TIAM2: variants seen among roughly 807,000 people sequenced by gnomAD.
TIAM2 encodes the protein TIAM Rac1 associated GEF 2, also known as rho guanine nucleotide exchange factor TIAM2.
A neutral mutation model predicts 152.9 loss-of-function variants in TIAM2; 80 were observed. The ratio of observed to expected loss-of-function variants is 0.52; its 90% CI spans 0.44 to 0.63. The LOEUF (loss-of-function observed/expected upper bound fraction) is 0.63. TIAM2 is among the 30% of genes least tolerant of loss of function. The probability of loss-of-function intolerance (pLI) is 0.00; values close to 1 mark genes in which losing one functional copy is unlikely to be tolerated. For synonymous variants in TIAM2, 804 were observed against 838.0 expected (o/e 0.96, Z 0.70); for missense variants, 1,965 against 2,120.1 (o/e 0.93, Z 1.44).
At chr6:155,045,084 A>AC (rs1777141663) in intron 1 of TIAM2, among the ~76,000 whole-genome samples, 1 of 128,396 alleles carries the variant, frequency 7.8e-6, no homozygotes, top group Admixed American at 9.1e-5. Context: ...AGAGTCTAGC[A>AC]CTGTTGCCTG....
intron 1 of TIAM2, among the ~76,000 whole-genome samples, chr6:155,076,841 G>T (rs1029805074): frequency 6.6e-6 from 1 of 152,112 alleles, no homozygotes; most frequent in African/African-American, 2.4e-5. Flanking sequence ...GATTACATGC[G>T]TGTACCGCCA....
intron 14 of TIAM2, among the ~76,000 whole-genome samples, chr6:155,188,375 C>T (rs537172653): frequency 4.9e-4 from 74 of 152,194 alleles, no homozygotes; most frequent in Non-Finnish European, 8.7e-4. Context: ...TATGGAGAAT[C>T]GTTGAGGGTT....
At chr6:155,134,195 A>T (rs998069015) in intron 4 of TIAM2, among the ~76,000 whole-genome samples, 2 of 152,052 alleles carry the variant, frequency 1.3e-5, no homozygotes, top group Non-Finnish European at 2.9e-5. Context: ...CCTTAGTTTC[A>T]TCCGCATAAC....
In TIAM2 at chr6:155,130,295, C is replaced by T. The variant is rs766033916; in HGVS notation, c.1072C>T (p.Leu358Phe). 5.0e-6 allele frequency: 8 copies of T among 1,614,180 alleles called. No homozygotes were observed. The South Asian group carries it at 6.6e-5, about 13-fold the overall frequency. The change falls in exon 4 of 27, where the codon CTC becomes TTC. Residue 358 changes from leucine (L) to phenylalanine (F), a missense_variant. Transcript: ENST00000682666. ...CCCCATCCAGTACAGTTCCTTCACT[C>T]TCCCCTGTCGGAAGCCCAAAGCCTT... ...GDPIQYSSFT[L>F]PCRKPKAFVE...
intron 23 of TIAM2, among the ~76,000 whole-genome samples, chr6:155,252,721 G>A (rs1466498143): frequency 1.3e-5 from 2 of 152,196 alleles, no homozygotes; most frequent in Non-Finnish European, 2.9e-5. Flanking sequence ...TTCTTGCTTT[G>A]AGACCTGTAA....
intron 20 of TIAM2, among the ~76,000 whole-genome samples, chr6:155,248,669 A>G (rs966018821): frequency 6.6e-6 from 1 of 152,212 alleles, no homozygotes; most frequent in Non-Finnish European, 1.5e-5. Context: ...TATGCTTTCA[A>G]GTCGCTACTG....
At chr6:155,028,334 A>ATGTACTGTGTTAC (rs1776675555) in intron 1 of TIAM2, among the ~76,000 whole-genome samples, 2 of 69,476 alleles carry the variant, frequency 2.9e-5, no homozygotes, top group African/African-American at 1.4e-4. Flanking sequence ...TACTACATAT[A>ATGTACTGTGTTAC]ATATATACTG....
At chr6:155,103,723 CAAAAAAAAAA>C (rs759945340) in intron 2 of TIAM2, among the ~76,000 whole-genome samples, 76 of 59,854 alleles carry the variant, frequency 1.3e-3, no homozygotes, top group South Asian at 4.1e-3. Context: ...GACTCTGTCT[CAAAAAAAAAA>C]AAAAAAAAAA....
intron 7 of TIAM2, among the ~76,000 whole-genome samples, chr6:155,155,511 G>T (rs765996565): frequency 6.6e-6 from 1 of 152,166 alleles, no homozygotes; most frequent in Non-Finnish European, 1.5e-5. Context: ...GTCTTTCTCT[G>T]TCGCCCAGGC....
intron 5 of TIAM2, among the ~76,000 whole-genome samples, chr6:155,139,680 C>T (rs1331101601): frequency 6.6e-6 from 1 of 152,176 alleles, no homozygotes; most frequent in Non-Finnish European, 1.5e-5. Context: ...TGGCTCACAC[C>T]TGTAATCCCA....
chr6:155,029,082 T>A (rs1314168385), intron 1 of TIAM2, among the ~76,000 whole-genome samples: 1 of 122,972 alleles, frequency 8.1e-6, no homozygotes, highest in African/African-American at 3.0e-5. Context: ...TATATACTGT[T>A]ATATATACAC....
At chr6:155,047,352 A>G (rs888885683) in intron 1 of TIAM2, among the ~76,000 whole-genome samples, 4 of 151,808 alleles carry the variant, frequency 2.6e-5, no homozygotes, top group Admixed American at 2.6e-4. Flanking sequence ...GCTAATTTTT[A>G]TATTTTTAGT....
At chr6:155,172,509 A>G (rs1197490439) in intron 9 of TIAM2, among the ~76,000 whole-genome samples, 1 of 151,554 alleles carries the variant, frequency 6.6e-6, no homozygotes. Flanking sequence ...GTGAAGGAAC[A>G]GAAGTGCAGA....
At chr6:155,247,912 T>C in intron 19 of TIAM2, 88 bp from the exon 20 acceptor site, 2 of 1,456,694 alleles carry the variant, frequency 1.4e-6, no homozygotes, top group Non-Finnish European at 9.3e-7. Flanking sequence ...ACTATAGAAA[T>C]AGATGATCTA....
At chr6:155,170,705 G>T (rs1018914444) in intron 9 of TIAM2, among the ~76,000 whole-genome samples, 4 of 152,230 alleles carry the variant, frequency 2.6e-5, no homozygotes, top group Admixed American at 2.0e-4. Flanking sequence ...CTTACAGTGA[G>T]AATTTAAGCT....
At chr6:155,191,811 A>AC (rs200966443) in intron 14 of TIAM2, among the ~76,000 whole-genome samples, 3 of 51,312 alleles carry the variant, frequency 5.8e-5, no homozygotes, top group African/African-American at 2.6e-4. Context: ...AACAACAACA[A>AC]AAAAAAAAAA....
chr6:155,119,481 A>G (rs1385470266), intron 2 of TIAM2, among the ~76,000 whole-genome samples: 1 of 151,856 alleles, frequency 6.6e-6, no homozygotes, highest in Non-Finnish European at 1.5e-5. Context: ...CTGGGATTAC[A>G]GGCATGAGCC....
intron 23 of TIAM2, 104 bp from the exon 24 acceptor site, chr6:155,252,844 G>C: frequency 9.6e-7 from 1 of 1,041,986 alleles, no homozygotes; most frequent in Non-Finnish European, 1.4e-6. Flanking sequence ...TGGCTGCTCG[G>C]AGACTCGCCC....
intron 10 of TIAM2, 150 bp from the exon 11 acceptor site, chr6:155,178,889 T>G: frequency 1.5e-6 from 1 of 659,696 alleles, no homozygotes; most frequent in South Asian, 2.0e-5. Flanking sequence ...TACAAGTATT[T>G]AAATTCGAGC....
Sources: gnomAD v4.1 joint callset for allele counts (sites outside exome capture counted in the v4.1 genomes callset) on GRCh38, gnomAD v4.1.1 for gene constraint, MANE v1.5 for transcripts, NCBI Gene and HGNC (gene_info 2026-07-23, HGNC 2026-07-21) for gene names.